Variants in MDGA2 observed in about 807,000 individuals in gnomAD.
MDGA2 encodes MAM domain containing glycosylphosphatidylinositol anchor 2.
MDGA2 carries 40 observed loss-of-function variants against 117.8 expected under a neutral mutation model. The observed-to-expected ratio is 0.34, with a 90% CI of 0.26 to 0.44. The LOEUF (loss-of-function observed/expected upper bound fraction) is 0.44, where lower values mean the gene tolerates loss of function less well. Ranked by LOEUF, MDGA2 falls within the 20% of genes least tolerant of loss-of-function variation. The pLI is 1.00. For missense variants in MDGA2, 1,123 were observed against 1,250.6 expected (o/e 0.90, Z 1.54); for synonymous variants, 452 against 439.0 (o/e 1.03, Z -0.37).
chr14:47,370,336 AAG>A (rs1230311432), intron 1 of MDGA2, among the ~76,000 whole-genome samples: 1 of 151,646 alleles, frequency 6.6e-6, no homozygotes, highest in African/African-American at 2.4e-5. Context: ...GATTAAGAGA[AAG>A]AGAGGACTAA....
At chr14:47,164,125 G>A (rs193042260) in intron 3 of MDGA2, among the ~76,000 whole-genome samples, 2 of 152,312 alleles carry the variant, frequency 1.3e-5, no homozygotes, top group Non-Finnish European at 2.9e-5. Context: ...AGCCAATTTT[G>A]AAATCTGCTG....
chr14:47,413,823 T>A (rs936718592), intron 1 of MDGA2, among the ~76,000 whole-genome samples: 1 of 151,988 alleles, frequency 6.6e-6, no homozygotes, highest in African/African-American at 2.4e-5. Context: ...AACAAGGGAA[T>A]AGAGTGAGTT....
intron 1 of MDGA2, among the ~76,000 whole-genome samples, chr14:47,450,768 G>C (rs1893225680): frequency 6.6e-6 from 1 of 151,870 alleles, no homozygotes; most frequent in African/African-American, 2.4e-5. Context: ...AAGTGCAATT[G>C]TTGCAAAAAA....
At chr14:47,549,789 TG>T (rs1398531237) in intron 1 of MDGA2, among the ~76,000 whole-genome samples, 2 of 152,096 alleles carry the variant, frequency 1.3e-5, no homozygotes, top group Non-Finnish European at 2.9e-5. Flanking sequence ...CACATATGCA[TG>T]CATTAAGGAA....
At chr14:47,156,706 A>T (rs1883402530) in intron 3 of MDGA2, among the ~76,000 whole-genome samples, 1 of 152,228 alleles carries the variant, frequency 6.6e-6, no homozygotes, top group African/African-American at 2.4e-5. Flanking sequence ...AGATGGAAAG[A>T]CACACTAAAA....
chr14:47,673,780 C>G (rs1296315203), intron 1 of MDGA2, among the ~76,000 whole-genome samples: 3 of 151,958 alleles, frequency 2.0e-5, no homozygotes, highest in African/African-American at 7.3e-5. Flanking sequence ...TCTCTAGTTC[C>G]TAAACCTAAA....
Position 47,088,108 on chromosome 14 carries a change from ATTATAT to A in MDGA2, c.1195+8740_1195+8745del, listed in dbSNP as rs925299564. 4.6e-5 allele frequency among the ~76,000 whole-genome samples: 7 copies of A among 152,064 alleles called. No homozygotes were observed. In the East Asian group the frequency reaches 5.8e-4, roughly 13 times the overall value. On this transcript the variant is annotated intron_variant, in intron 6 of 16. Transcript: ENST00000399232. ...ATCTAGACAAAATTTTTTATTTGAAATTATATTTATAATTCTTCATAAATTATTTTA... is the reference window on the plus strand; with the variant it reads ...ATCTAGACAAAATTTTTTATTTGAAATTATAATTCTTCATAAATTATTTTA...
chr14:47,152,060 A>T (rs1883184081), intron 3 of MDGA2, among the ~76,000 whole-genome samples: 1 of 152,134 alleles, frequency 6.6e-6, no homozygotes, highest in Admixed American at 6.5e-5. Flanking sequence ...TTTTTGGCTG[A>T]TCAAATGTGC....
At chr14:47,126,246 C>T (rs928042927) in intron 5 of MDGA2, among the ~76,000 whole-genome samples, 1 of 151,854 alleles carries the variant, frequency 6.6e-6, no homozygotes, top group Non-Finnish European at 1.5e-5. Context: ...AGAGGTAAGC[C>T]CCCTTTTCAT....
intron 4 of MDGA2, among the ~76,000 whole-genome samples, chr14:47,141,244 CA>C (rs1882704930): frequency 2.0e-5 from 3 of 152,108 alleles, no homozygotes; most frequent in African/African-American, 7.2e-5. Context: ...AGAGGTTCCT[CA>C]AAAAATTAAA....
At chr14:47,471,018 A>G (rs921803936) in intron 1 of MDGA2, among the ~76,000 whole-genome samples, 1 of 152,100 alleles carries the variant, frequency 6.6e-6, no homozygotes, top group African/African-American at 2.4e-5. Flanking sequence ...ATATGGGAAG[A>G]TTATGGACTT....
intron 6 of MDGA2, among the ~76,000 whole-genome samples, chr14:47,068,413 A>ATATAT (rs199534923): frequency 9.1e-5 from 13 of 143,500 alleles, no homozygotes; most frequent in African/African-American, 3.3e-4. Flanking sequence ...AGTAAGAAAA[A>ATATAT]AAAAATATAT....
intron 2 of MDGA2, among the ~76,000 whole-genome samples, chr14:47,296,684 T>C (rs1889085576): frequency 6.6e-6 from 1 of 152,218 alleles, no homozygotes; most frequent in Non-Finnish European, 1.5e-5. Flanking sequence ...TTTGGCTAAA[T>C]AATTCCATTT....
In MDGA2 at chr14:47,144,815, A is replaced by AT. The variant is rs60842690; in HGVS notation, c.596-542dup. 8.2e-3 allele frequency among the ~76,000 whole-genome samples: 1,063 copies of AT among 130,394 alleles called. 27 individuals are homozygous for AT. Among genetic ancestry groups the AT allele is most frequent in the African/African-American group, 0.021 (703 of 32,738 alleles). The allele number at this position is 130,394 out of a possible 152,430, so 85.5% of individuals were successfully genotyped here. ...AGGCATGTGCTACCATGCCCGGCTA[A>AT]TTTTTTTTTTTTTTTGTACAGACAG... On this transcript the variant is annotated intron_variant, in intron 3 of 16. Coordinates refer to ENST00000399232, the MANE Select transcript of MDGA2 (RefSeq NM_001113498.3).
chr14:47,359,340 G>A (rs947033607), intron 1 of MDGA2, among the ~76,000 whole-genome samples: 2 of 151,830 alleles, frequency 1.3e-5, no homozygotes, highest in African/African-American at 2.4e-5. Context: ...GTGACATAGC[G>A]AGACTCTGTC....
chr14:47,518,401 G>A (rs1034944838), intron 1 of MDGA2, among the ~76,000 whole-genome samples: 2 of 152,156 alleles, frequency 1.3e-5, no homozygotes, highest in Non-Finnish European at 2.9e-5. Context: ...ATATGCATAT[G>A]TGTGTTGATA....
chr14:47,277,017 G>C (rs1888330071), intron 2 of MDGA2, among the ~76,000 whole-genome samples: 1 of 152,144 alleles, frequency 6.6e-6, no homozygotes, highest in Non-Finnish European at 1.5e-5. Flanking sequence ...TCTAGGAACA[G>C]GGCCTGACCA....
intron 1 of MDGA2, among the ~76,000 whole-genome samples, chr14:47,623,020 A>C (rs913949915): frequency 6.6e-6 from 1 of 152,114 alleles, no homozygotes; most frequent in African/African-American, 2.4e-5. Context: ...AAAATCCCCA[A>C]CGCAATAGTG....
chr14:47,086,971 T>G (rs902170695), intron 6 of MDGA2, among the ~76,000 whole-genome samples: 3 of 152,194 alleles, frequency 2.0e-5, no homozygotes, highest in Admixed American at 2.0e-4. Context: ...GACTTTTCCC[T>G]TATAGCAACT....
Sources: gnomAD v4.1 joint callset for allele counts (sites outside exome capture counted in the v4.1 genomes callset) on GRCh38, gnomAD v4.1.1 for gene constraint, MANE v1.5 for transcripts, NCBI Gene and HGNC (gene_info 2026-07-23, HGNC 2026-07-21) for gene names.